Variants in TMEM132B observed in about 807,000 individuals in gnomAD.
The protein encoded by TMEM132B is transmembrane protein 132B.
Under a neutral mutation model 90.8 loss-of-function variants are expected in TMEM132B, and 18 were observed. The observed-to-expected ratio is 0.20, with a 90% CI of 0.14 to 0.29. The LOEUF is 0.29. Ranked by LOEUF, TMEM132B falls within the 10% of genes least tolerant of loss-of-function variation. TMEM132B has a pLI of 1.00. For synonymous variants in TMEM132B, 504 were observed against 523.3 expected (o/e 0.96, Z 0.50); for missense variants, 1,096 against 1,326.8 (o/e 0.83, Z 2.70).
chr12:125,200,041 G>A (rs1331702294), intron 1 of TMEM132B, among the ~76,000 whole-genome samples: 1 of 152,194 alleles, frequency 6.6e-6, no homozygotes, highest in Non-Finnish European at 1.5e-5. Context: ...TTGTTAGTTT[G>A]TGGTAAATCC....
intron 1 of TMEM132B, among the ~76,000 whole-genome samples, chr12:125,228,672 A>G (rs1213757410): frequency 6.6e-6 from 1 of 152,058 alleles, no homozygotes; most frequent in African/African-American, 2.4e-5. Flanking sequence ...GTTGGATCGA[A>G]TGCTCTCTGC....
At chr12:125,471,554 C>T (rs923636234) in intron 3 of TMEM132B, among the ~76,000 whole-genome samples, 7 of 152,134 alleles carry the variant, frequency 4.6e-5, no homozygotes, top group African/African-American at 1.7e-4. Context: ...ACATCCTGTC[C>T]CCAGTGGACG....
At chr12:125,580,235 T>C (rs1444123417) in intron 4 of TMEM132B, among the ~76,000 whole-genome samples, 1 of 152,216 alleles carries the variant, frequency 6.6e-6, no homozygotes, top group African/African-American at 2.4e-5. Context: ...TGTCATAGCC[T>C]TTCAAAGACC....
chr12:125,609,853 G>T (rs1885784085), intron 5 of TMEM132B, among the ~76,000 whole-genome samples: 4 of 140,676 alleles, frequency 2.8e-5, no homozygotes, highest in Admixed American at 1.4e-4. Flanking sequence ...AAAGAATATT[G>T]GATCTTTTGA....
intron 2 of TMEM132B, among the ~76,000 whole-genome samples, chr12:125,381,027 A>G (rs1390105766): frequency 6.6e-6 from 1 of 152,172 alleles, no homozygotes. Flanking sequence ...ATGGTACAAG[A>G]GATACAGAGA....
intron 3 of TMEM132B, among the ~76,000 whole-genome samples, chr12:125,473,440 T>C: frequency 6.6e-6 from 1 of 152,380 alleles, no homozygotes. Flanking sequence ...TGAAGGTAGA[T>C]GATATGCTTG....
At chr12:125,555,078 T>C (rs1884339724) in intron 4 of TMEM132B, among the ~76,000 whole-genome samples, 1 of 152,220 alleles carries the variant, frequency 6.6e-6, no homozygotes, top group Non-Finnish European at 1.5e-5. Context: ...GATGTGCATC[T>C]GTTATTTATG....
intron 5 of TMEM132B, among the ~76,000 whole-genome samples, chr12:125,595,258 TG>T (rs1332938117): frequency 6.6e-6 from 1 of 152,192 alleles, no homozygotes; most frequent in Non-Finnish European, 1.5e-5. Context: ...GCACTGCACC[TG>T]GCATGAGTTA....
chr12:125,432,010 C>A (rs923927470), intron 3 of TMEM132B, among the ~76,000 whole-genome samples: 1 of 152,080 alleles, frequency 6.6e-6, no homozygotes, highest in Admixed American at 6.5e-5. Context: ...TTTAAACGCC[C>A]TTTTTCCTGT....
At chr12:125,535,034 A>G (rs977433277) in intron 4 of TMEM132B, among the ~76,000 whole-genome samples, 1 of 152,216 alleles carries the variant, frequency 6.6e-6, no homozygotes, top group African/African-American at 2.4e-5. Context: ...ATGAATAAAC[A>G]GCACCATGAG....
intron 2 of TMEM132B, among the ~76,000 whole-genome samples, chr12:125,383,918 GA>G (rs1878752817): frequency 6.6e-6 from 1 of 152,096 alleles, no homozygotes; most frequent in African/African-American, 2.4e-5. Context: ...CAAAAGGGTT[GA>G]AAAAGATTAG....
At chr12:125,598,012 G>C (rs905161196) in intron 5 of TMEM132B, among the ~76,000 whole-genome samples, 6 of 152,146 alleles carry the variant, frequency 3.9e-5, no homozygotes, top group African/African-American at 1.4e-4. Flanking sequence ...GAGCGTTTGT[G>C]GTGTGTAGGA....
intron 5 of TMEM132B, among the ~76,000 whole-genome samples, chr12:125,639,927 T>C (rs1160898068): frequency 6.6e-6 from 1 of 152,114 alleles, no homozygotes; most frequent in Non-Finnish European, 1.5e-5. Flanking sequence ...AATCACCTGA[T>C]AAAACGCCTC....
chr12:125,206,288 G>A (rs1873184032), intron 1 of TMEM132B, among the ~76,000 whole-genome samples: 1 of 152,050 alleles, frequency 6.6e-6, no homozygotes, highest in African/African-American at 2.4e-5. Context: ...GCGCAGGCTG[G>A]AGTGCAGTGG....
chr12:125,624,455 C>T (rs908150736), intron 5 of TMEM132B, among the ~76,000 whole-genome samples: 1 of 152,110 alleles, frequency 6.6e-6, no homozygotes, highest in African/African-American at 2.4e-5. Flanking sequence ...ACCTTGTCTT[C>T]AAAGGACTTA....
intron 1 of TMEM132B, among the ~76,000 whole-genome samples, chr12:125,243,032 T>TATATACACACAC (rs1215676534): frequency 3.0e-5 from 4 of 135,008 alleles, no homozygotes; most frequent in African/African-American, 8.3e-5. Context: ...TATATATATA[T>TATATACACACAC]ACACACACAC....
chr12:125,447,601 T>A (rs2136441236), intron 3 of TMEM132B, among the ~76,000 whole-genome samples: 1 of 152,338 alleles, frequency 6.6e-6, no homozygotes, highest in African/African-American at 2.4e-5. Context: ...TGCTTCTTTT[T>A]TGCCTCTTTC....
intron 4 of TMEM132B, among the ~76,000 whole-genome samples, chr12:125,541,498 T>C (rs1312508903): frequency 2.6e-5 from 4 of 152,134 alleles, no homozygotes; most frequent in African/African-American, 9.7e-5. Context: ...AGTGAGAGGT[T>C]GGAGTGTCAA....
At chr12:125,483,450 TA>T (rs200153167) in intron 3 of TMEM132B, among the ~76,000 whole-genome samples, 23 of 151,166 alleles carry the variant, frequency 1.5e-4, no homozygotes, top group African/African-American at 5.1e-4. Context: ...ACAATGTAAC[TA>T]AAAAAAAATA....
Sources: gnomAD v4.1 joint callset for allele counts (sites outside exome capture counted in the v4.1 genomes callset) on GRCh38, gnomAD v4.1.1 for gene constraint, MANE v1.5 for transcripts, NCBI Gene and HGNC (gene_info 2026-07-23, HGNC 2026-07-21) for gene names.